Variants in ULK4 observed in about 807,000 individuals in gnomAD.
ULK4 encodes inactive serine/threonine-protein kinase ULK4.
In ULK4, 133 loss-of-function variants were observed where a neutral mutation model predicts 160.6. The ratio of observed to expected loss-of-function variants is 0.83; its 90% CI spans 0.72 to 0.96. The LOEUF (loss-of-function observed/expected upper bound fraction) is 0.96, where lower values mean the gene tolerates loss of function less well. Among genes scored for constraint, ULK4 ranks in the 40% least tolerant of loss-of-function variants. The pLI is 0.00. For missense variants in ULK4, 1,580 were observed against 1,499.5 expected, an observed-to-expected ratio of 1.05 and a Z score of -0.89; for synonymous variants, 534 against 539.8, an observed-to-expected ratio of 0.99 and a Z score of 0.15.
At chr3:41,596,777 C>T (rs1198902187) in intron 31 of ULK4, among the ~76,000 whole-genome samples, 5 of 151,962 alleles carry the variant, frequency 3.3e-5, no homozygotes, top group Non-Finnish European at 7.4e-5. Context: ...TACTGAGTGG[C>T]CAAAGTGCAG....
rs536915717 is a variant in ULK4 at position 41,884,119 on chromosome 3, A to G, written c.1578-167T>C. ...TCCCACATGTACACAGCCCAGAGAA[A>G]CTCTCCCTCGTATACTTAGGGAGAC... is the stretch of plus-strand genomic sequence containing the variant. On this transcript the variant is annotated intron_variant, in intron 16 of 36. Coordinates refer to ENST00000301831, the MANE Select transcript of ULK4 (RefSeq NM_017886.4). Among the ~76,000 whole-genome samples, 168 of 151,882 alleles carry G rather than the reference A, an allele frequency of 1.1e-3. 1 individual carries two copies. In the South Asian group the frequency reaches 0.02, roughly 18 times the overall value.
chr3:41,717,880 A>C lies in ULK4; in HGVS notation c.2322-19T>G. 6.2e-7 allele frequency: 1 copy of C among 1,611,980 alleles called. No homozygotes were observed. Among genetic ancestry groups the C allele is most frequent in the Non-Finnish European group, 8.5e-7 (1 of 1,178,402 alleles). On this transcript the variant is annotated intron_variant, in intron 22 of 36. Coordinates refer to ENST00000301831, the MANE Select transcript of ULK4 (RefSeq NM_017886.4). ...CACCAGTCTACATACAGGAAAGTGC[A>C]AAGATTACCTCTCATGATAAAACAC...
intron 17 of ULK4, among the ~76,000 whole-genome samples, chr3:41,876,554 T>C (rs1386707718): frequency 6.6e-6 from 1 of 152,160 alleles, no homozygotes; most frequent in Admixed American, 6.5e-5. Flanking sequence ...AACCTACCAA[T>C]TCCATTCCTA....
intron 31 of ULK4, among the ~76,000 whole-genome samples, chr3:41,574,528 CCTCTTTTT>C (rs2088115786): frequency 1.9e-5 from 2 of 106,286 alleles, no homozygotes; most frequent in Admixed American, 1.2e-4. Flanking sequence ...CTACCAGAGT[CCTCTTTTT>C]TTTTTTTTTT....
intron 35 of ULK4, among the ~76,000 whole-genome samples, chr3:41,275,674 T>G (rs1185112747): frequency 1.3e-5 from 2 of 152,198 alleles, no homozygotes; most frequent in African/African-American, 2.4e-5. Context: ...CAGCTACCAG[T>G]CCTGACAAGT....
chr3:41,737,129 T>G (rs2038081882), intron 22 of ULK4, among the ~76,000 whole-genome samples: 1 of 151,940 alleles, frequency 6.6e-6, no homozygotes, highest in African/African-American at 2.4e-5. Context: ...GGTAGTGTGA[T>G]GCCTCCAGCT....
intron 35 of ULK4, among the ~76,000 whole-genome samples, chr3:41,390,356 C>T (rs1232029479): frequency 6.6e-6 from 1 of 152,058 alleles, no homozygotes; most frequent in Non-Finnish European, 1.5e-5. Context: ...TTTTTTGTGT[C>T]TCTATTTCCT....
At chr3:41,598,215 C>T (rs2031821176) in intron 31 of ULK4, among the ~76,000 whole-genome samples, 2 of 152,340 alleles carry the variant, frequency 1.3e-5, no homozygotes, top group East Asian at 1.9e-4. Flanking sequence ...CCTACCCTTG[C>T]TTCAGCCTGC....
chr3:41,390,220 C>T (rs1358472960), intron 35 of ULK4, among the ~76,000 whole-genome samples: 1 of 151,814 alleles, frequency 6.6e-6, no homozygotes, highest in Non-Finnish European at 1.5e-5. Context: ...TGGTGATATC[C>T]CCTTTGTCAT....
chr3:41,931,470 TA>T (rs61500854), intron 5 of ULK4, among the ~76,000 whole-genome samples: 7,624 of 126,890 alleles, frequency 0.06, 394 homozygotes, highest in East Asian at 0.17. Context: ...CCCTAGAACT[TA>T]AAAAAAAAAA....
At chr3:41,473,387 C>A (rs1033683161) in intron 32 of ULK4, among the ~76,000 whole-genome samples, 2 of 152,044 alleles carry the variant, frequency 1.3e-5, no homozygotes, top group Non-Finnish European at 2.9e-5. Context: ...ATAGGCTGGG[C>A]ACAGTGGCTC....
intron 5 of ULK4, among the ~76,000 whole-genome samples, chr3:41,923,191 T>A (rs561082549): frequency 2.0e-5 from 3 of 148,638 alleles, no homozygotes; most frequent in African/African-American, 7.5e-5. Flanking sequence ...AAATAAATAA[T>A]AAAAAAAATA....
chr3:41,928,935 T>C (rs1699484232), intron 5 of ULK4, among the ~76,000 whole-genome samples: 1 of 152,034 alleles, frequency 6.6e-6, no homozygotes, highest in Non-Finnish European at 1.5e-5. Context: ...TAACATCCCT[T>C]CTGAAACTAT....
chr3:41,835,010 A>T (rs2041710472), intron 18 of ULK4, among the ~76,000 whole-genome samples: 1 of 152,216 alleles, frequency 6.6e-6, no homozygotes, highest in Non-Finnish European at 1.5e-5. Context: ...TAATTTCTCA[A>T]TCAATACACA....
At chr3:41,694,017 C>G (rs185547283) in intron 27 of ULK4, among the ~76,000 whole-genome samples, 1 of 152,288 alleles carries the variant, frequency 6.6e-6, no homozygotes, top group Non-Finnish European at 1.5e-5. Flanking sequence ...GCAAAGAATT[C>G]TGCAAACAAA....
intron 35 of ULK4, among the ~76,000 whole-genome samples, chr3:41,256,432 A>T (rs1200815397): frequency 6.6e-6 from 1 of 152,194 alleles, no homozygotes; most frequent in Non-Finnish European, 1.5e-5. Context: ...CAGAAACAGA[A>T]CTACACAAAT....
At chr3:41,748,124 T>C (rs1175557397) in intron 22 of ULK4, among the ~76,000 whole-genome samples, 1 of 150,984 alleles carries the variant, frequency 6.6e-6, no homozygotes, top group African/African-American at 2.4e-5. Flanking sequence ...TTGTTAGTTT[T>C]ACCTTACCAT....
intron 30 of ULK4, 37 bp from the exon 31 acceptor site, chr3:41,615,754 G>A: frequency 6.3e-7 from 1 of 1,593,248 alleles, no homozygotes; most frequent in African/African-American, 1.3e-5. Context: ...GTGCACATTA[G>A]ACAATTCATA....
At chr3:41,533,723 G>A (rs547867780) in intron 32 of ULK4, among the ~76,000 whole-genome samples, 2 of 152,290 alleles carry the variant, frequency 1.3e-5, no homozygotes, top group South Asian at 2.1e-4. Context: ...GTGTTCTGCA[G>A]GAAAAGTTCG....
Sources: gnomAD v4.1 joint callset for allele counts (sites outside exome capture counted in the v4.1 genomes callset) on GRCh38, gnomAD v4.1.1 for gene constraint, MANE v1.5 for transcripts, NCBI Gene and HGNC (gene_info 2026-07-23, HGNC 2026-07-21) for gene names.